The following ITGB6 variants were observed in gnomAD, a reference collection of about 807,000 sequenced individuals.
ITGB6 encodes integrin beta-6.
Under a neutral mutation model 84.5 loss-of-function variants are expected in ITGB6, and 80 were observed. The ratio of observed to expected loss-of-function variants is 0.95; its 90% CI spans 0.79 to 1.14. ITGB6 has a LOEUF of 1.14. Among genes scored for constraint, ITGB6 ranks in the 50% most tolerant of loss-of-function variants. The pLI, the probability that ITGB6 is intolerant of heterozygous loss-of-function variation, is 0.00. For missense variants in ITGB6, 1,006 were observed against 968.0 expected (o/e 1.04, Z -0.52); for synonymous variants, 383 against 354.9 (o/e 1.08, Z -0.89).
chr2:160,150,368 G>C (rs1013660769), intron 7 of ITGB6, among the ~76,000 whole-genome samples: 20 of 152,190 alleles, frequency 1.3e-4, no homozygotes, highest in African/African-American at 4.6e-4. Context: ...AGCTTCATAA[G>C]TGAAGGAGAA....
intron 10 of ITGB6, among the ~76,000 whole-genome samples, chr2:160,134,691 A>C (rs1325180063): frequency 4.6e-5 from 7 of 152,232 alleles, no homozygotes; most frequent in Non-Finnish European, 1.0e-4. Context: ...GCTGCACATC[A>C]AAAAGCTTAC....
chr2:160,173,654 TG>T (rs1204682146), intron 5 of ITGB6, among the ~76,000 whole-genome samples: 1 of 152,216 alleles, frequency 6.6e-6, no homozygotes, highest in African/African-American at 2.4e-5. Context: ...GTTCTACCCT[TG>T]ATTTTTTTAT....
At chr2:160,136,835 G>T (rs1314578142) in intron 10 of ITGB6, among the ~76,000 whole-genome samples, 2 of 151,772 alleles carry the variant, frequency 1.3e-5, no homozygotes, top group African/African-American at 4.8e-5. Context: ...CTCACTCATA[G>T]GTTGGAATTG....
In ITGB6 at chr2:160,142,162, A is replaced by C. The variant is rs1445934103; in HGVS notation, c.1018-91T>G. On this transcript the variant is annotated intron_variant, in intron 7 of 14. Transcript: ENST00000283249. ...GAGCCTGCTGGCTATGATTGCCTCT[A>C]TTTAACTGGCCAGGGAAAACAGGTT... 3 of 729,836 alleles carry C rather than the reference A, an allele frequency of 4.1e-6. No homozygotes were observed. In the African/African-American group the frequency reaches 5.5e-5, roughly 13 times the overall value. 45.2% of individuals were successfully genotyped at this position (729,836 alleles called of 1,614,324 possible). A position where few individuals can be genotyped will look rare whatever the true frequency, so the allele number is the denominator to read the frequency against.
At chr2:160,183,274 A>C (rs116253568) in intron 4 of ITGB6, among the ~76,000 whole-genome samples, 29,663 of 152,168 alleles carry the variant, frequency 0.19, 3,801 homozygotes, top group Middle Eastern at 0.38. Context: ...GCATGGGCTC[A>C]AAATAAAGGG....
chr2:160,152,661 CCT>C (rs1161651871), intron 7 of ITGB6, among the ~76,000 whole-genome samples: 4 of 152,090 alleles, frequency 2.6e-5, no homozygotes, highest in African/African-American at 7.2e-5. Context: ...TCAAATTTTC[CCT>C]GTTTGCAGAT....
intron 4 of ITGB6, among the ~76,000 whole-genome samples, chr2:160,192,236 G>A (rs1379453257): frequency 6.6e-6 from 1 of 152,124 alleles, no homozygotes; most frequent in Admixed American, 6.5e-5. Context: ...AGCTCTGTAA[G>A]GGGGGTAGTG....
chr2:160,172,536 C>T, intron 6 of ITGB6, 33 bp downstream of exon 6: 1 of 1,540,692 alleles, frequency 6.5e-7, no homozygotes, highest in Non-Finnish European at 8.9e-7. Context: ...CTACTTATAG[C>T]CCTGAAAACA....
chr2:160,120,666 A>G (rs1342721344), intron 12 of ITGB6, among the ~76,000 whole-genome samples: 1 of 33,162 alleles, frequency 3.0e-5, no homozygotes, highest in African/African-American at 2.9e-4. Flanking sequence ...TTAGAGTATA[A>G]TTAAAAAAAA....
rs148881693 is a variant in ITGB6 at position 160,137,685 on chromosome 2, C to A, written c.1409G>T (p.Gly470Val). ...VEVNSSKCHH[G>V]NGSFQCGVCA... The stretch of plus-strand genomic sequence containing the variant: ...CACCCCACACTGGAAAGAGCCGTTC[C>A]CGTGGTGACATTTGGAGCTGTTCAC... The change falls in exon 10 of 15, where the codon GGG becomes GTG. Residue 470 changes from glycine to valine, a missense_variant. Gly to Val is a moderately radical substitution (Grantham distance 109). Transcript: ENST00000283249. 26 of 1,614,202 alleles carry A rather than the reference C, an allele frequency of 1.6e-5. No homozygotes were observed. The highest frequency in any genetic ancestry group is 1.6e-4 in the Middle Eastern group (1 of 6,062).
intron 7 of ITGB6, among the ~76,000 whole-genome samples, chr2:160,164,541 C>A (rs893399065): frequency 6.6e-6 from 1 of 151,960 alleles, no homozygotes; most frequent in Non-Finnish European, 1.5e-5. Flanking sequence ...ACTAAAAATA[C>A]AAAAATTAGC....
intron 2 of ITGB6, among the ~76,000 whole-genome samples, chr2:160,198,129 C>T (rs564995259): frequency 3.5e-4 from 53 of 152,198 alleles, no homozygotes; most frequent in African/African-American, 1.1e-3. Context: ...TTCAAGAAGT[C>T]AATATCCAAA....
At chr2:160,134,041 A>C (rs1683592010) in intron 10 of ITGB6, among the ~76,000 whole-genome samples, 1 of 152,238 alleles carries the variant, frequency 6.6e-6, no homozygotes, top group Non-Finnish European at 1.5e-5. Context: ...AGAAGGCAAG[A>C]AATAACTAAG....
intron 14 of ITGB6, among the ~76,000 whole-genome samples, chr2:160,107,467 C>G (rs1696953202): frequency 6.6e-6 from 1 of 152,094 alleles, no homozygotes; most frequent in South Asian, 2.1e-4. Context: ...GTGGAAATCC[C>G]CACCGCACTA....
At chr2:160,113,920 C>A (rs1322356051) in intron 12 of ITGB6, among the ~76,000 whole-genome samples, 1 of 152,104 alleles carries the variant, frequency 6.6e-6, no homozygotes, top group Non-Finnish European at 1.5e-5. Context: ...TCTTCTTGGA[C>A]TGTTTTCTTG....
intron 7 of ITGB6, among the ~76,000 whole-genome samples, chr2:160,167,647 G>A (rs962998673): frequency 3.3e-5 from 5 of 152,136 alleles, no homozygotes; most frequent in South Asian, 2.1e-4. Flanking sequence ...CTTGCAACGG[G>A]GGAATCATGG....
At chr2:160,147,780 A>G (rs1684256089) in intron 7 of ITGB6, among the ~76,000 whole-genome samples, 1 of 152,248 alleles carries the variant, frequency 6.6e-6, no homozygotes, top group Non-Finnish European at 1.5e-5. Context: ...CACATGAAAA[A>G]AAAATCTAGA....
At chr2:160,139,049 G>A (rs1450375312) in intron 8 of ITGB6, among the ~76,000 whole-genome samples, 1 of 152,104 alleles carries the variant, frequency 6.6e-6, no homozygotes, top group Admixed American at 6.5e-5. Context: ...ATATTGGAAT[G>A]TATTTAGTGT....
chr2:160,195,346 T>C, intron 4 of ITGB6, 23 bp downstream of exon 4: 1 of 1,613,526 alleles, frequency 6.2e-7, no homozygotes, highest in Non-Finnish European at 8.5e-7. Flanking sequence ...CGCACAAAGA[T>C]GCCAAGAGAA....
Sources: allele counts gnomAD v4.1 joint callset (sites outside exome capture counted in the v4.1 genomes callset), GRCh38; gene constraint gnomAD v4.1.1; transcripts MANE v1.5; gene names NCBI Gene and HGNC (gene_info 2026-07-23, HGNC 2026-07-21).